The following UNC5D variants were observed in gnomAD, a reference collection of about 807,000 sequenced individuals.
UNC5D encodes the protein netrin receptor UNC5D.
In UNC5D, 39 loss-of-function variants were observed where a neutral mutation model predicts 105.4. The ratio of observed to expected loss-of-function variants is 0.37; its 90% confidence interval spans 0.29 to 0.48. UNC5D has a LOEUF of 0.48. UNC5D is among the 20% of genes least tolerant of loss of function. UNC5D has a pLI of 0.98. For synonymous variants in UNC5D, 452 were observed against 450.4 expected, an observed-to-expected ratio of 1.00 and a Z score of -0.04; for missense variants, 991 against 1,202.4, an observed-to-expected ratio of 0.82 and a Z score of 2.60.
At chr8:35,340,634 T>G (rs1178453377) in intron 1 of UNC5D, among the ~76,000 whole-genome samples, 5 of 152,132 alleles carry the variant, frequency 3.3e-5, no homozygotes, top group Admixed American at 3.3e-4. Context: ...TCTTTGCAAT[T>G]TATTTGGTCA....
intron 4 of UNC5D, among the ~76,000 whole-genome samples, chr8:35,660,298 G>T (rs555973501): frequency 6.6e-6 from 1 of 152,316 alleles, no homozygotes; most frequent in Admixed American, 6.5e-5. Flanking sequence ...ATAAAAGGAA[G>T]TAAACTGGGT....
chr8:35,751,222 G>A (rs1392926949), intron 13 of UNC5D, among the ~76,000 whole-genome samples: 1 of 152,128 alleles, frequency 6.6e-6, no homozygotes, highest in Non-Finnish European at 1.5e-5. Flanking sequence ...CAAGATAGAT[G>A]AGCCAGTTTA....
At chr8:35,488,106 A>G (rs1226875723) in intron 1 of UNC5D, among the ~76,000 whole-genome samples, 1 of 152,234 alleles carries the variant, frequency 6.6e-6, no homozygotes, top group African/African-American at 2.4e-5. Context: ...CAGCCTATCT[A>G]TATTGCAAAA....
At chr8:35,755,298 G>GCACT (rs1249695476) in intron 13 of UNC5D, among the ~76,000 whole-genome samples, 1 of 152,052 alleles carries the variant, frequency 6.6e-6, no homozygotes, top group Non-Finnish European at 1.5e-5. Flanking sequence ...ATTGCTCCCA[G>GCACT]CACTCCTATA....
At chr8:35,765,913 G>A (rs1385096755) in intron 14 of UNC5D, among the ~76,000 whole-genome samples, 5 of 152,128 alleles carry the variant, frequency 3.3e-5, no homozygotes, top group South Asian at 2.1e-4. Flanking sequence ...AAAAGTGAGC[G>A]TGAGGATTAC....
At chr8:35,290,060 A>G (rs1382328043) in intron 1 of UNC5D, among the ~76,000 whole-genome samples, 2 of 152,146 alleles carry the variant, frequency 1.3e-5, no homozygotes, top group Admixed American at 1.3e-4. Flanking sequence ...TATGGAGAAA[A>G]AGGAACTTCT....
chr8:35,752,538 C>A (rs1433147891), intron 13 of UNC5D, among the ~76,000 whole-genome samples: 1 of 152,082 alleles, frequency 6.6e-6, no homozygotes, highest in East Asian at 1.9e-4. Flanking sequence ...TGGCTGCTCA[C>A]AAAAGGGGTG....
At chr8:35,519,438 T>A (rs543081770) in intron 1 of UNC5D, among the ~76,000 whole-genome samples, 1 of 152,260 alleles carries the variant, frequency 6.6e-6, no homozygotes, top group South Asian at 2.1e-4. Flanking sequence ...ACCGAGTAGC[T>A]GGTTTATATT....
chr8:35,443,594 A>G (rs1418763891), intron 1 of UNC5D, among the ~76,000 whole-genome samples: 7 of 151,870 alleles, frequency 4.6e-5, no homozygotes, highest in Non-Finnish European at 8.8e-5. Flanking sequence ...ATTTAGTTCT[A>G]TTTCAGAAAG....
intron 1 of UNC5D, among the ~76,000 whole-genome samples, chr8:35,384,221 A>G (rs1803235481): frequency 1.3e-5 from 2 of 151,718 alleles, no homozygotes; most frequent in South Asian, 2.1e-4. Context: ...TCCATTTCAA[A>G]AAAAAAAAAC....
chr8:35,345,729 CT>C (rs140870576), intron 1 of UNC5D, among the ~76,000 whole-genome samples: 3 of 151,694 alleles, frequency 2.0e-5, no homozygotes, highest in South Asian at 2.1e-4. Flanking sequence ...ACATATTAGA[CT>C]TTTTTTTAAC....
At chr8:35,377,054 T>C (rs1342640399) in intron 1 of UNC5D, among the ~76,000 whole-genome samples, 1 of 152,220 alleles carries the variant, frequency 6.6e-6, no homozygotes, top group Non-Finnish European at 1.5e-5. Context: ...TCATCTTCAG[T>C]TGGATATGAG....
rs2131343890 is a variant in UNC5D at position 35,684,571 on chromosome 8, TTC to T, written c.752-4_752-3del. Reference sequence around the variant, plus strand: ...TCCTTTTTTTCTCCCCTCCCCATTTTTCTCTCTCAGTGAATGGAGGCTGGTCT... The same window carrying T: ...TCCTTTTTTTCTCCCCTCCCCATTTTTCTCTCAGTGAATGGAGGCTGGTCT... On this transcript the variant is annotated splice_polypyrimidine_tract_variant and intron_variant, in intron 5 of 16. Coordinates refer to ENST00000404895, the MANE Select transcript of UNC5D (RefSeq NM_080872.4). 1 of 1,608,174 alleles carries T rather than the reference TTC, an allele frequency of 6.2e-7. No homozygotes were observed. Among genetic ancestry groups the T allele is most frequent in the Non-Finnish European group, 8.5e-7 (1 of 1,178,232 alleles).
chr8:35,336,694 A>AT (rs1488343356), intron 1 of UNC5D, among the ~76,000 whole-genome samples: 4 of 151,656 alleles, frequency 2.6e-5, no homozygotes, highest in Admixed American at 1.3e-4. Context: ...AGACATATAC[A>AT]TTTTTTTCCT....
At chr8:35,292,889 G>T (rs973048579) in intron 1 of UNC5D, among the ~76,000 whole-genome samples, 2 of 151,374 alleles carry the variant, frequency 1.3e-5, no homozygotes, top group Non-Finnish European at 3.0e-5. Flanking sequence ...GCTAATTTTT[G>T]ATGATGGCCA....
chr8:35,711,559 C>A (rs907890042), intron 8 of UNC5D, among the ~76,000 whole-genome samples: 1 of 152,160 alleles, frequency 6.6e-6, no homozygotes, highest in African/African-American at 2.4e-5. Flanking sequence ...CAAAACAAAG[C>A]CCCTCAGTTT....
intron 1 of UNC5D, among the ~76,000 whole-genome samples, chr8:35,434,710 C>CGT (rs1328099463): frequency 1.3e-5 from 2 of 152,008 alleles, no homozygotes; most frequent in African/African-American, 4.8e-5. Context: ...CATTAGGAGG[C>CGT]ATATATTTTT....
At chr8:35,582,274 G>A (rs192413335) in intron 3 of UNC5D, among the ~76,000 whole-genome samples, 48 of 152,162 alleles carry the variant, frequency 3.2e-4, no homozygotes, top group Non-Finnish European at 4.9e-4. Context: ...CTATTTCACC[G>A]CCATTGTTCA....
intron 1 of UNC5D, among the ~76,000 whole-genome samples, chr8:35,526,064 G>C (rs1443593449): frequency 6.6e-6 from 1 of 152,064 alleles, no homozygotes; most frequent in African/African-American, 2.4e-5. Flanking sequence ...ATCATTCTCT[G>C]TGATACAAAG....
Sources: gnomAD v4.1 joint callset for allele counts (sites outside exome capture counted in the v4.1 genomes callset) on GRCh38, gnomAD v4.1.1 for gene constraint, MANE v1.5 for transcripts, NCBI Gene and HGNC (gene_info 2026-07-23, HGNC 2026-07-21) for gene names.